CLCN6: variants seen among roughly 807,000 people sequenced by gnomAD.
The protein encoded by CLCN6 is Cl-/H+ antiporter 6.
A neutral mutation model predicts 109.8 loss-of-function variants in CLCN6; 70 were observed. The observed-to-expected ratio is 0.64, with a 90% CI of 0.53 to 0.78. The LOEUF (loss-of-function observed/expected upper bound fraction) is 0.78. Ranked by LOEUF, CLCN6 falls within the 30% of genes least tolerant of loss-of-function variation. The pLI is 0.00. For missense variants in CLCN6, 984 were observed against 1,142.3 expected, an observed-to-expected ratio of 0.86 and a Z score of 2.00; for synonymous variants, 444 against 447.8, an observed-to-expected ratio of 0.99 and a Z score of 0.11.
In CLCN6 at chr1:11,841,924, TA is replaced by T. The variant is rs1301406374; in HGVS notation, c.*1703del. On this transcript the variant is annotated 3_prime_UTR_variant, in exon 23 of 23. Coordinates refer to ENST00000346436, the MANE Select transcript of CLCN6 (RefSeq NM_001286.5). Reference sequence around the variant, plus strand: ...ATGCACCTGACTTATGAAATGGGGATAATACTCCCAGGAAATAGCGCAGGAC... The same window carrying T: ...ATGCACCTGACTTATGAAATGGGGATATACTCCCAGGAAATAGCGCAGGAC... The T allele has an allele frequency of 6.6e-6, 1 of 152,184 alleles. No individual in the cohort carries two copies. The allele number at this position is 152,184 out of a possible 1,614,324, so 9.4% of individuals were successfully genotyped here.
chr1:11,838,403 C>T lies in CLCN6; in HGVS notation c.2364C>T (p.His788=), dbSNP rs373505013. The T allele has an allele frequency of 7.2e-5, 117 of 1,613,948 alleles. No individual in the cohort carries two copies. Among genetic ancestry groups the T allele is most frequent in the African/African-American group, 2.4e-4 (18 of 74,932 alleles). The change falls in exon 21 of 23, where the codon CAC becomes CAT. Residue 788 remains histidine, a synonymous_variant. Transcript: ENST00000346436. ...AEDYPRYPDI[H]DLDLTLLNPR... Reference sequence around the variant, plus strand: ...ACTACCCGCGGTACCCCGACATCCACGACCTGGACCTGACGCTGCTCAACC... The same window carrying T: ...ACTACCCGCGGTACCCCGACATCCATGACCTGGACCTGACGCTGCTCAACC...
In CLCN6 at chr1:11,807,112, T is replaced by C; in HGVS notation, c.88-19T>C. On this transcript the variant is annotated intron_variant, in intron 1 of 22. Transcript: ENST00000346436. ...CCTAACCACTAAAAAAGGCTCCCTC[T>C]GCGGATCTGTTTTTCTAGACCATCC... 6.2e-7 allele frequency: 1 copy of C among 1,613,310 alleles called. No homozygotes were observed. The highest frequency in any genetic ancestry group is 8.5e-7 in the Non-Finnish European group (1 of 1,179,224).
chr1:11,806,427 G>C, intron 1 of CLCN6, 78 bp downstream of exon 1: 1 of 1,299,482 alleles, frequency 7.7e-7, no homozygotes, highest in Non-Finnish European at 1.0e-6. Flanking sequence ...GGGTGGGGCC[G>C]GGCCAATCTG....
intron 13 of CLCN6, among the ~76,000 whole-genome samples, chr1:11,830,737 T>TTATATATATATATA (rs369772847): frequency 4.7e-4 from 43 of 91,110 alleles, no homozygotes; most frequent in African/African-American, 1.6e-3. Context: ...TATGTATATA[T>TTATATATATATATA]TATATATATA....
intron 2 of CLCN6, among the ~76,000 whole-genome samples, chr1:11,813,999 G>A (rs920366994): frequency 1.3e-5 from 2 of 152,116 alleles, no homozygotes; most frequent in African/African-American, 4.8e-5. Context: ...ATATTTGGAT[G>A]TATAATTGAT....
intron 11 of CLCN6, 59 bp from the exon 12 acceptor site, chr1:11,828,399 C>T (rs1644839236): frequency 3.1e-6 from 5 of 1,599,902 alleles, no homozygotes; most frequent in Admixed American, 1.7e-5. Context: ...TCTTCTGTCT[C>T]TTCCGGTTCT....
At position 11,837,452 on chromosome 1, in the gene CLCN6, C is replaced by T; in HGVS notation, c.2248C>T (p.Leu750Phe). ...TFHGLILRSQ[L>F]VTLLVRGVCY... ...CCACGGCCTGATCCTTCGGTCGCAG[C>T]TTGTCACCCTGCTTGTCCGAGGAGT... Residue 750 changes from leucine (L) to phenylalanine (F), a missense_variant, in exon 20 of 23, where the codon CTT becomes TTT. By Grantham distance (22) the Leu-to-Phe change is conservative. Transcript: ENST00000346436. 1 of 1,614,158 alleles carries T rather than the reference C, an allele frequency of 6.2e-7. No homozygotes were observed. The highest frequency in any genetic ancestry group is 8.5e-7 in the Non-Finnish European group (1 of 1,179,998).
rs780557431 is a variant in CLCN6 at position 11,823,698 on chromosome 1, C to G, written c.454-9C>G. The G allele has an allele frequency of 1.9e-6, 3 of 1,614,014 alleles. No individual in the cohort carries two copies. The highest frequency in any genetic ancestry group is 1.1e-5 in the South Asian group (1 of 91,084). On this transcript the variant is annotated splice_polypyrimidine_tract_variant and intron_variant, in intron 6 of 22. Transcript: ENST00000346436. ...TCGAGTTATGGGTGTGCCTGCTCTCCTCCATCAGCCGGTGGCAGCAGGTTC... is the reference window on the plus strand; with the variant it reads ...TCGAGTTATGGGTGTGCCTGCTCTCGTCCATCAGCCGGTGGCAGCAGGTTC...
At chr1:11,832,252 C>A (rs1644891639) in intron 13 of CLCN6, among the ~76,000 whole-genome samples, 1 of 152,198 alleles carries the variant, frequency 6.6e-6, no homozygotes, top group Admixed American at 6.5e-5. Flanking sequence ...AATGAAATAT[C>A]CTTCTCAACG....
Position 11,837,130 on chromosome 1 carries a change from C to G in CLCN6, c.2112C>G (p.Asp704Glu). 2 of 1,613,018 alleles carry G rather than the reference C, an allele frequency of 1.2e-6. No individual in the cohort carries two copies. The highest frequency in any genetic ancestry group is 3.3e-5 in the Admixed American group (2 of 60,012). ...CTGAGGAGCCAGCCGAGAAGGAGGA[C>G]CTCCTGCAGCAGATGCTGGAAAGGA... ...IASEEPAEKE[D>E]LLQQMLERRY... The change falls in exon 19 of 23, where the codon GAC (aspartate) becomes GAG (glutamate). Residue 704 changes from aspartate to glutamate, a missense_variant. By Grantham distance (45) the Asp-to-Glu change is conservative (BLOSUM62 2). Coordinates refer to ENST00000346436, the MANE Select transcript of CLCN6 (RefSeq NM_001286.5).
rs777752904 is a variant in CLCN6 at position 11,819,480 on chromosome 1, C to T, written c.280-8C>T. 5 of 1,613,952 alleles carry T rather than the reference C, an allele frequency of 3.1e-6. No homozygotes were observed. The South Asian group carries it at 3.3e-5, about 11-fold the overall frequency. Reference sequence around the variant, plus strand: ...AAGGCTGTGTGACAGATCTCTTGCTCTTCACAGGTGGGTCTCTTTGTGGAC... The same window carrying T: ...AAGGCTGTGTGACAGATCTCTTGCTTTTCACAGGTGGGTCTCTTTGTGGAC... On this transcript the variant is annotated splice_polypyrimidine_tract_variant and splice_region_variant and intron_variant, in intron 4 of 22. Coordinates refer to ENST00000346436, the MANE Select transcript of CLCN6 (RefSeq NM_001286.5).
At chr1:11,836,403 T>C (rs765236470) in intron 18 of CLCN6, among the ~76,000 whole-genome samples, 1 of 152,214 alleles carries the variant, frequency 6.6e-6, no homozygotes, top group Non-Finnish European at 1.5e-5. Flanking sequence ...TCAGCAGCTT[T>C]CATGGTTTGT....
At chr1:11,840,055 G>A in intron 22 of CLCN6, 88 bp from the exon 23 acceptor site, 1 of 1,098,134 alleles carries the variant, frequency 9.1e-7, no homozygotes, top group Non-Finnish European at 1.4e-6. Flanking sequence ...CACATTCTGT[G>A]ACAAACTAAC....
chr1:11,816,661 T>C lies in CLCN6; in HGVS notation c.260T>C (p.Ile87Thr), dbSNP rs780334882. ...EAVKWMVVFA[I>T]GVCTGLVGLF... ...GTGAAGTGGATGGTGGTGTTTGCCATTGGAGTCTGCACTGGCCTGGTGAGG... is the reference window on the plus strand; with the variant it reads ...GTGAAGTGGATGGTGGTGTTTGCCACTGGAGTCTGCACTGGCCTGGTGAGG... Residue 87 changes from isoleucine to threonine, a missense_variant, in exon 4 of 23, where the codon ATT (isoleucine) becomes ACT (threonine). By Grantham distance (89) the Ile-to-Thr change is moderately conservative. Coordinates refer to ENST00000346436, the MANE Select transcript of CLCN6 (RefSeq NM_001286.5). 29 of 1,612,818 alleles carry C rather than the reference T, an allele frequency of 1.8e-5. No homozygotes were observed. In the African/African-American group the frequency reaches 2.9e-4, roughly 16 times the overall value.
chr1:11,830,646 C>T (rs1469819089), intron 13 of CLCN6, among the ~76,000 whole-genome samples: 13 of 150,480 alleles, frequency 8.6e-5, no homozygotes, highest in African/African-American at 3.2e-4. Flanking sequence ...TTCCTTGTTG[C>T]TTCTCTGTAA....
intron 2 of CLCN6, among the ~76,000 whole-genome samples, chr1:11,811,552 T>C (rs1164259260): frequency 1.3e-5 from 2 of 152,146 alleles, no homozygotes; most frequent in East Asian, 3.9e-4. Context: ...CCGGCTAATT[T>C]TGTATTTTTA....
chr1:11,837,017 C>T lies in CLCN6; in HGVS notation c.1999C>T (p.Arg667Trp), dbSNP rs1218924047. 6.8e-6 allele frequency: 11 copies of T among 1,610,876 alleles called. No individual in the cohort carries two copies. The highest frequency in any genetic ancestry group is 4.2e-6 in the Non-Finnish European group (5 of 1,180,034). ...IKFKKSSILT[R>W]AGEQRKRSQS... ...CCCACAGAAATCCAGCATCCTCACC[C>T]GGGCTGGCGAGCAGCGCAAACGGAG... The change falls in exon 19 of 23, where the codon CGG becomes TGG. Residue 667 changes from arginine (R) to tryptophan (W), a missense_variant. Physicochemically the swap from Arg to Trp is moderately radical, Grantham distance 101. Transcript: ENST00000346436.
rs778988200 is a variant in CLCN6, at chr1:11,838,561, G to A, written c.2430G>A (p.Ser810=). ...ATGTCACCCCATACATGAACCCTTC[G>A]CCTTTCACCGTCTCGCCCAACACCC... ...IVDVTPYMNP[S]PFTVSPNTHV... Residue 810 remains serine (S), a synonymous_variant, in exon 22 of 23, where the codon TCG becomes TCA. Transcript: ENST00000346436. 5.0e-6 allele frequency: 8 copies of A among 1,611,622 alleles called. No homozygotes were observed. The Admixed American group carries it at 5.0e-5, about 10-fold the overall frequency.
chr1:11,835,331 G>A (rs1377747637), intron 17 of CLCN6, among the ~76,000 whole-genome samples: 1 of 152,166 alleles, frequency 6.6e-6, no homozygotes, highest in Admixed American at 6.5e-5. Flanking sequence ...GGAGTAGGGT[G>A]GCATGATTAT....
Sources: allele counts gnomAD v4.1 joint callset (sites outside exome capture counted in the v4.1 genomes callset), GRCh38; gene constraint gnomAD v4.1.1; transcripts MANE v1.5; gene names NCBI Gene and HGNC (gene_info 2026-07-23, HGNC 2026-07-21).